Variants in SSBP3 observed in about 807,000 individuals in gnomAD.
The protein encoded by SSBP3 is single-stranded DNA-binding protein 3.
SSBP3 carries 5 observed loss-of-function variants against 69.6 expected under a neutral mutation model. That is an observed-to-expected ratio of 0.07 (90% CI 0.04 to 0.15). SSBP3 has a LOEUF of 0.15. Ranked by LOEUF, SSBP3 falls within the 10% of genes least tolerant of loss-of-function variation. The pLI is 1.00. For synonymous variants in SSBP3, 196 were observed against 193.4 expected (o/e 1.01, Z -0.11); for missense variants, 312 against 534.0 (o/e 0.58, Z 4.10).
chr1:54,240,087 T>TGTGTGTGTGTGTGTGTGTGTGTGTGC (rs1159547661), intron 13 of SSBP3, among the ~76,000 whole-genome samples: 2 of 42,344 alleles, frequency 4.7e-5, no homozygotes, highest in Admixed American at 2.5e-4. Flanking sequence ...TGTGTGTGTG[T>TGTGTGTGTGTGTGTGTGTGTGTGTGC]GCGCGCGCGC....
At chr1:54,306,314 G>A (rs1421827700) in intron 4 of SSBP3, among the ~76,000 whole-genome samples, 6 of 152,232 alleles carry the variant, frequency 3.9e-5, no homozygotes, top group African/African-American at 1.4e-4. Context: ...GCTGGTGTCA[G>A]CCGTGTGTCA....
At chr1:54,341,884 C>T (rs11808489) in intron 4 of SSBP3, among the ~76,000 whole-genome samples, 4 of 152,008 alleles carry the variant, frequency 2.6e-5, no homozygotes, top group South Asian at 2.1e-4. Context: ...GCACCTTCCA[C>T]GCAGAAGGAA....
intron 4 of SSBP3, among the ~76,000 whole-genome samples, chr1:54,395,962 G>A (rs1333547783): frequency 6.6e-6 from 1 of 152,108 alleles, no homozygotes; most frequent in African/African-American, 2.4e-5. Context: ...GGAGGCTGAG[G>A]CAGTCAGATC....
intron 1 of SSBP3, 119 bp from the exon 2 acceptor site, chr1:54,405,049 CCAGAGGTAAG>C: frequency 1.1e-6 from 1 of 892,730 alleles, no homozygotes; most frequent in Non-Finnish European, 1.8e-6. Flanking sequence ...GTGGCCCCGA[CCAGAGGTAAG>C]CAGCTAGCTC....
At chr1:54,401,748 C>G in intron 4 of SSBP3, 113 bp downstream of exon 4, 1 of 816,938 alleles carries the variant, frequency 1.2e-6, no homozygotes, top group Non-Finnish European at 2.0e-6. Flanking sequence ...CAGAAAGAAA[C>G]GCAAGAAGCA....
At chr1:54,403,068 C>G (rs1649421152) in intron 3 of SSBP3, among the ~76,000 whole-genome samples, 1 of 152,222 alleles carries the variant, frequency 6.6e-6, no homozygotes, top group Admixed American at 6.5e-5. Context: ...ACTGCTTCCT[C>G]CCGCTGGAGA....
At chr1:54,357,039 G>GT (rs79132961) in intron 4 of SSBP3, among the ~76,000 whole-genome samples, 22,179 of 152,062 alleles carry the variant, frequency 0.15, 1,741 homozygotes, top group East Asian at 0.28. Context: ...GCTCACAGGG[G>GT]TAACAGAGGC....
chr1:54,375,988 G>A (rs906077612), intron 4 of SSBP3, among the ~76,000 whole-genome samples: 3 of 152,060 alleles, frequency 2.0e-5, no homozygotes, highest in Non-Finnish European at 2.9e-5. Flanking sequence ...AGTAGGAGAG[G>A]TAGAGGGATA....
upstream of SSBP3, among the ~76,000 whole-genome samples, chr1:54,409,480 T>C (rs894442767): frequency 6.6e-6 from 1 of 152,028 alleles, no homozygotes; most frequent in Non-Finnish European, 1.5e-5. Context: ...TAACACTCAG[T>C]GCAGGCACCA....
intron 4 of SSBP3, among the ~76,000 whole-genome samples, chr1:54,323,575 G>A (rs562439134): frequency 1.3e-5 from 2 of 152,190 alleles, no homozygotes; most frequent in Admixed American, 6.5e-5. Context: ...ACCTCACCAC[G>A]CTATCTGCCT....
At chr1:54,300,336 C>T (rs369065420) in intron 4 of SSBP3, among the ~76,000 whole-genome samples, 15 of 152,104 alleles carry the variant, frequency 9.9e-5, no homozygotes, top group East Asian at 5.8e-4. Flanking sequence ...CCAGCAGAAA[C>T]GAGATGCATG....
chr1:54,300,896 G>C (rs1466659788), intron 4 of SSBP3, among the ~76,000 whole-genome samples: 2 of 152,204 alleles, frequency 1.3e-5, no homozygotes, highest in Non-Finnish European at 2.9e-5. Context: ...TTACCTTGAA[G>C]AAGTTCCCTG....
chr1:54,324,881 C>G (rs892201558), intron 4 of SSBP3, among the ~76,000 whole-genome samples: 22 of 152,122 alleles, frequency 1.4e-4, no homozygotes, highest in African/African-American at 5.3e-4. Context: ...GATACACGGC[C>G]TGACATGTTG....
chr1:54,367,061 G>A (rs1272557024), intron 4 of SSBP3, among the ~76,000 whole-genome samples: 5 of 152,192 alleles, frequency 3.3e-5, no homozygotes, highest in Admixed American at 6.5e-5. Flanking sequence ...AGCATGCAAA[G>A]ATCTGATACA....
intron 4 of SSBP3, among the ~76,000 whole-genome samples, chr1:54,327,217 AAAGGAAGGAAGGAAGGAAGGAAGG>A (rs55892071): frequency 4.1e-4 from 55 of 134,164 alleles, no homozygotes; most frequent in Middle Eastern, 3.6e-3. Flanking sequence ...AAGAGAGGGA[AAAGGAAGGAAGGAAGGAAGGAAGG>A]AAGGAAGGAA....
intron 17 of SSBP3, 140 bp from the exon 18 acceptor site, chr1:54,227,300 G>A: frequency 1.4e-6 from 1 of 690,906 alleles, no homozygotes; most frequent in Non-Finnish European, 2.7e-6. Flanking sequence ...AGGGGCACAT[G>A]GTGGCATGGA....
At chr1:54,307,256 A>G (rs1172916968) in intron 4 of SSBP3, among the ~76,000 whole-genome samples, 1 of 151,450 alleles carries the variant, frequency 6.6e-6, no homozygotes, top group Non-Finnish European at 1.5e-5. Context: ...ATCTTACACT[A>G]TGGTCCTCCA....
At position 54,251,472 on chromosome 1, in the gene SSBP3, A is replaced by G. The variant is rs1024573887; in HGVS notation, c.651+144T>C. The stretch of plus-strand genomic sequence containing the variant: ...GAAGCCAGCCTGCCACAGGAAGCGG[A>G]CAGGAGCAGGGGATGCGGCCATGCC... On this transcript the variant is annotated intron_variant, in intron 9 of 17. Transcript: ENST00000610401. 2.6e-5 allele frequency: 24 copies of G among 914,354 alleles called. No individual in the cohort carries two copies. In the African/African-American group the frequency reaches 3.6e-4, roughly 14 times the overall value. 56.6% of individuals were successfully genotyped at this position (914,354 alleles called of 1,614,324 possible).
chr1:54,267,563 A>G (rs1282038061), intron 5 of SSBP3, among the ~76,000 whole-genome samples: 1 of 152,190 alleles, frequency 6.6e-6, no homozygotes, highest in Non-Finnish European at 1.5e-5. Flanking sequence ...CTCCTGGCAG[A>G]GAAGAAAAGG....
Sources: allele counts gnomAD v4.1 joint callset (sites outside exome capture counted in the v4.1 genomes callset), GRCh38; gene constraint gnomAD v4.1.1; transcripts MANE v1.5; gene names NCBI Gene and HGNC (gene_info 2026-07-23, HGNC 2026-07-21).